PRMT3: variants seen among roughly 807,000 people sequenced by gnomAD.
The protein encoded by PRMT3 is protein arginine methyltransferase 3.
Under a neutral mutation model 71.9 loss-of-function variants are expected in PRMT3, and 62 were observed. That is an observed-to-expected ratio of 0.86 (90% CI 0.70 to 1.07). PRMT3 has a LOEUF of 1.07. PRMT3 is among the 50% of genes least tolerant of loss of function. The pLI is 0.00. For synonymous variants in PRMT3, 213 were observed against 220.4 expected (o/e 0.97, Z 0.30); for missense variants, 663 against 643.0 (o/e 1.03, Z -0.34).
intron 7 of PRMT3, among the ~76,000 whole-genome samples, chr11:20,399,798 C>T (rs1287033044): frequency 1.3e-5 from 2 of 152,274 alleles, no homozygotes; most frequent in Middle Eastern, 3.4e-3. Flanking sequence ...AGACTTCACA[C>T]CTGCTCTGGT....
chr11:20,413,069 T>A (rs141657820), intron 9 of PRMT3, among the ~76,000 whole-genome samples: 8 of 59,558 alleles, frequency 1.3e-4, no homozygotes, highest in Non-Finnish European at 2.5e-4. Flanking sequence ...TTTGCTTTAC[T>A]TAAAACCTAT....
At chr11:20,463,384 C>T (rs1186555683) in intron 12 of PRMT3, among the ~76,000 whole-genome samples, 4 of 152,118 alleles carry the variant, frequency 2.6e-5, no homozygotes, top group African/African-American at 2.4e-5. Context: ...TATTTGGGCT[C>T]TTTGGCTCAG....
intron 10 of PRMT3, among the ~76,000 whole-genome samples, chr11:20,432,394 T>TA (rs1463698081): frequency 6.6e-6 from 1 of 152,156 alleles, no homozygotes; most frequent in Non-Finnish European, 1.5e-5. Context: ...TTATTATAAA[T>TA]ACAAATTGTC....
intron 10 of PRMT3, among the ~76,000 whole-genome samples, chr11:20,434,759 G>A (rs1367025593): frequency 6.6e-6 from 1 of 152,156 alleles, no homozygotes; most frequent in Non-Finnish European, 1.5e-5. Context: ...TTTTGTACCA[G>A]TACTGTGCTG....
chr11:20,495,163 G>C (rs1447736840), intron 15 of PRMT3, among the ~76,000 whole-genome samples: 1 of 152,032 alleles, frequency 6.6e-6, no homozygotes, highest in Non-Finnish European at 1.5e-5. Flanking sequence ...CAAGTAGCTG[G>C]CACCACCACG....
At chr11:20,413,783 A>G (rs1849244663) in intron 9 of PRMT3, among the ~76,000 whole-genome samples, 5 of 152,094 alleles carry the variant, frequency 3.3e-5, no homozygotes, top group Admixed American at 3.3e-4. Context: ...GCCTCTCTTC[A>G]ACTCTGTTCT....
intron 13 of PRMT3, among the ~76,000 whole-genome samples, chr11:20,489,686 T>A (rs1851162151): frequency 6.6e-6 from 1 of 152,142 alleles, no homozygotes; most frequent in South Asian, 2.1e-4. Context: ...TATATCATTA[T>A]TCCTTATTTA....
At chr11:20,469,955 A>C (rs969554905) in intron 13 of PRMT3, among the ~76,000 whole-genome samples, 3 of 152,166 alleles carry the variant, frequency 2.0e-5, no homozygotes, top group Non-Finnish European at 2.9e-5. Flanking sequence ...ATTAAAAAAG[A>C]AGCAGACTTT....
chr11:20,486,045 C>T (rs965044833), intron 13 of PRMT3, among the ~76,000 whole-genome samples: 3 of 152,106 alleles, frequency 2.0e-5, no homozygotes, highest in Admixed American at 6.6e-5. Context: ...GAATGAAACA[C>T]GATACAACAT....
At chr11:20,493,663 A>G (rs1052473639) in intron 13 of PRMT3, among the ~76,000 whole-genome samples, 1 of 152,240 alleles carries the variant, frequency 6.6e-6, no homozygotes, top group African/African-American at 2.4e-5. Flanking sequence ...GTGGTCTAGC[A>G]TGATTATTTC....
At chr11:20,422,614 T>C (rs1194028449) in intron 9 of PRMT3, among the ~76,000 whole-genome samples, 1 of 152,122 alleles carries the variant, frequency 6.6e-6, no homozygotes, top group Admixed American at 6.5e-5. Flanking sequence ...CCTACCGAGG[T>C]TAGGTAGGCA....
intron 10 of PRMT3, among the ~76,000 whole-genome samples, chr11:20,448,570 C>CT (rs960863038): frequency 1.3e-5 from 2 of 151,488 alleles, no homozygotes; most frequent in Non-Finnish European, 1.5e-5. Context: ...CTTGTCTTAC[C>CT]TTTTTTTTAA....
intron 11 of PRMT3, among the ~76,000 whole-genome samples, chr11:20,460,561 C>A (rs1215602849): frequency 6.6e-6 from 1 of 152,094 alleles, no homozygotes; most frequent in Non-Finnish European, 1.5e-5. Context: ...CTCATGAACT[C>A]CCTTTACTTA....
chr11:20,475,535 G>A (rs1156968233), intron 13 of PRMT3, among the ~76,000 whole-genome samples: 1 of 151,370 alleles, frequency 6.6e-6, no homozygotes, highest in Non-Finnish European at 1.5e-5. Context: ...GTCATTGACT[G>A]AAACATTGTT....
At chr11:20,442,509 A>G (rs572748663) in intron 10 of PRMT3, among the ~76,000 whole-genome samples, 1 of 152,236 alleles carries the variant, frequency 6.6e-6, no homozygotes, top group Admixed American at 6.5e-5. Flanking sequence ...AGATATGTAT[A>G]TATTCACCCT....
At chr11:20,431,589 A>G (rs780171352) in intron 10 of PRMT3, among the ~76,000 whole-genome samples, 4 of 152,132 alleles carry the variant, frequency 2.6e-5, no homozygotes, top group African/African-American at 9.7e-5. Flanking sequence ...GAGGAAGAAC[A>G]TTCTTAGGGC....
chr11:20,451,021 G>A (rs1364657500), intron 10 of PRMT3, among the ~76,000 whole-genome samples: 1 of 152,126 alleles, frequency 6.6e-6, no homozygotes, highest in African/African-American at 2.4e-5. Flanking sequence ...GGGCTGTTGG[G>A]GGGTTGGACC....
intron 13 of PRMT3, among the ~76,000 whole-genome samples, chr11:20,477,801 A>ACCC (rs1850828959): frequency 1.1e-5 from 1 of 93,242 alleles, no homozygotes; most frequent in African/African-American, 4.2e-5. Context: ...GCTTAGGAGA[A>ACCC]ACCCCCCCCC....
At chr11:20,454,283 G>A (rs576205683) in intron 11 of PRMT3, among the ~76,000 whole-genome samples, 79 of 152,244 alleles carry the variant, frequency 5.2e-4, no homozygotes, top group African/African-American at 1.6e-3. Flanking sequence ...GAAGATCCAA[G>A]TAACTGTTTC....
Sources: gnomAD v4.1 joint callset for allele counts (sites outside exome capture counted in the v4.1 genomes callset) on GRCh38, gnomAD v4.1.1 for gene constraint, MANE v1.5 for transcripts, NCBI Gene and HGNC (gene_info 2026-07-23, HGNC 2026-07-21) for gene names.